The following C9orf43 variants were observed in gnomAD, a reference collection of about 807,000 sequenced individuals.
The protein encoded by C9orf43 is chromosome 9 open reading frame 43, also known as uncharacterized protein C9orf43.
Under a neutral mutation model 59.1 loss-of-function variants are expected in C9orf43, and 45 were observed. That is an observed-to-expected ratio of 0.76 (90% CI 0.60 to 0.98). The LOEUF (loss-of-function observed/expected upper bound fraction) is 0.98. Ranked by LOEUF, C9orf43 falls within the 50% of genes least tolerant of loss-of-function variation. The pLI is 0.00. For missense variants in C9orf43, 533 were observed against 554.9 expected (o/e 0.96, Z 0.40); for synonymous variants, 203 against 196.8 (o/e 1.03, Z -0.26).
At chr9:113,417,903 A>T (rs1828427919) in intron 3 of C9orf43, among the ~76,000 whole-genome samples, 1 of 152,150 alleles carries the variant, frequency 6.6e-6, no homozygotes, top group Non-Finnish European at 1.5e-5. Context: ...TTAGGTCTTT[A>T]TCTTTTTTTT....
intron 1 of C9orf43, among the ~76,000 whole-genome samples, chr9:113,411,703 G>A (rs34142167): frequency 0.04 from 6,075 of 151,486 alleles, 162 homozygotes; most frequent in South Asian, 0.1. Flanking sequence ...TTTCTTGACA[G>A]GGTCTCACTC....
intron 3 of C9orf43, among the ~76,000 whole-genome samples, chr9:113,415,174 T>G (rs1198490896): frequency 6.6e-6 from 1 of 151,652 alleles, no homozygotes; most frequent in Non-Finnish European, 1.5e-5. Flanking sequence ...GATAGGGTCT[T>G]ACTTTGTTGC....
At position 113,423,464 on chromosome 9, in the gene C9orf43, C is replaced by T; in HGVS notation, c.622C>T (p.Gln208Ter). Reference protein sequence around the residue: ...FSSDFLPLWAQSEALPQDLLK... With the variant: ...FSSDFLPLWA ...TTCAGATTTCCTACCTCTCTGGGCT[C>T]AATCCGAAGCGTTACCTCAGGATCT... Residue 208 changes from glutamine to a stop codon, truncating the protein, a stop_gained, in exon 7 of 14, where the codon CAA (glutamine) becomes TAA (stop). Transcript: ENST00000374165. LOFTEE classifies it high-confidence loss of function. 1.9e-6 allele frequency: 3 copies of T among 1,613,968 alleles called. No homozygotes were observed. Among genetic ancestry groups the T allele is most frequent in the Non-Finnish European group, 2.5e-6 (3 of 1,179,898 alleles).
intron 3 of C9orf43, among the ~76,000 whole-genome samples, chr9:113,416,868 C>T (rs1184858228): frequency 6.6e-6 from 1 of 152,194 alleles, no homozygotes; most frequent in Non-Finnish European, 1.5e-5. Context: ...CAGATGTCCC[C>T]TCGGGGCAAA....
At chr9:113,416,096 A>G (rs909332819) in intron 3 of C9orf43, among the ~76,000 whole-genome samples, 3 of 152,206 alleles carry the variant, frequency 2.0e-5, no homozygotes, top group Admixed American at 6.5e-5. Context: ...TTCTTCCTTC[A>G]GTGTGTCTTG....
chr9:113,422,893 A>AC (rs1828638356), intron 6 of C9orf43, among the ~76,000 whole-genome samples: 1 of 152,164 alleles, frequency 6.6e-6, no homozygotes, highest in Admixed American at 6.5e-5. Context: ...ATTTCAATGG[A>AC]CTAGGGGTTA....
chr9:113,427,719 A>G (rs955752446), intron 11 of C9orf43, among the ~76,000 whole-genome samples: 9 of 152,198 alleles, frequency 5.9e-5, no homozygotes, highest in African/African-American at 1.9e-4. Flanking sequence ...AGATTGAGAA[A>G]AGAATGAATG....
intron 8 of C9orf43, among the ~76,000 whole-genome samples, chr9:113,424,653 A>G (rs970519847): frequency 6.6e-6 from 1 of 151,718 alleles, no homozygotes; most frequent in Non-Finnish European, 1.5e-5. Flanking sequence ...CAGCCTCCAG[A>G]GTAGCTGGGA....
At chr9:113,411,717 C>G (rs1432275314) in intron 1 of C9orf43, among the ~76,000 whole-genome samples, 1 of 152,124 alleles carries the variant, frequency 6.6e-6, no homozygotes, top group South Asian at 2.1e-4. Flanking sequence ...CTCACTCCGT[C>G]CCCCAGGCTG....
rs1200308723 is a variant in C9orf43, at chr9:113,410,997, TAATGGTACTA to T, written c.-52_-50+7del. 2.0e-6 allele frequency: 2 copies of T among 986,216 alleles called. No homozygotes were observed. The highest frequency in any genetic ancestry group is 2.4e-6 in the Non-Finnish European group (2 of 830,490). The allele number at this position is 986,216 out of a possible 1,614,324, so 61.1% of individuals were successfully genotyped here. On this transcript the variant is annotated splice_donor_variant and splice_donor_5th_base_variant and 5_prime_UTR_variant and intron_variant, in exon 1 of 14. Coordinates refer to ENST00000374165, the MANE Select transcript of C9orf43 (RefSeq NM_001278629.2). LOFTEE classifies it low-confidence loss of function (5UTR_SPLICE). ...CTTTTCGCCCCTCACGCTTTTGTAATAATGGTACTAAGACTGAGTGTTATTTAGATTTTAT... is the reference window on the plus strand; with the variant it reads ...CTTTTCGCCCCTCACGCTTTTGTAATAGACTGAGTGTTATTTAGATTTTAT...
At chr9:113,429,033 G>C in intron 13 of C9orf43, 70 bp downstream of exon 13, 1 of 1,529,036 alleles carries the variant, frequency 6.5e-7, no homozygotes, top group Non-Finnish European at 9.1e-7. Flanking sequence ...GTGTTGACCA[G>C]GATAGTTTAC....
At chr9:113,415,442 A>G (rs894697718) in intron 3 of C9orf43, among the ~76,000 whole-genome samples, 1 of 152,248 alleles carries the variant, frequency 6.6e-6, no homozygotes, top group African/African-American at 2.4e-5. Flanking sequence ...TATTTACCAC[A>G]GTAAAAAACT....
Position 113,423,351 on chromosome 9 carries a change from C to T in C9orf43, c.509C>T (p.Ser170Phe). ...AVKSKSFLGL[S>F]GNQSAGTRVG... Reference sequence around the variant, plus strand: ...AAAAGCAAGTCATTTCTGGGTCTCTCTGGAAATCAGTCCGCAGGAACACGA... The same window carrying T: ...AAAAGCAAGTCATTTCTGGGTCTCTTTGGAAATCAGTCCGCAGGAACACGA... Residue 170 changes from serine to phenylalanine, a missense_variant, in exon 7 of 14, where the codon TCT (serine) becomes TTT (phenylalanine). Coordinates refer to ENST00000374165, the MANE Select transcript of C9orf43 (RefSeq NM_001278629.2). The T allele has an allele frequency of 6.2e-7, 1 of 1,614,072 alleles. No homozygotes were observed. The highest frequency in any genetic ancestry group is 2.2e-5 in the East Asian group (1 of 44,892).
In C9orf43 at chr9:113,413,602, C is replaced by A; in HGVS notation, c.109C>A (p.Arg37=). The A allele has an allele frequency of 2.5e-6, 4 of 1,614,224 alleles. No homozygotes were observed. Among genetic ancestry groups the A allele is most frequent in the Non-Finnish European group, 3.4e-6 (4 of 1,180,032 alleles). ...TIRRIERGHP[R]ILGSSCKTPL... ...CCGCCGCATTGAGAGGGGCCATCCT[C>A]GAATCCTCGGCTCATCCTGCAAAAC... The change falls in exon 2 of 14, where the codon CGA becomes AGA. Residue 37 remains arginine, a synonymous_variant. Transcript: ENST00000374165.
intron 5 of C9orf43, among the ~76,000 whole-genome samples, chr9:113,422,171 G>A (rs183821088): frequency 6.6e-6 from 1 of 152,332 alleles, no homozygotes; most frequent in African/African-American, 2.4e-5. Flanking sequence ...GAACCAAATA[G>A]ATTTGGTCCC....
chr9:113,429,349 A>T lies in C9orf43; in HGVS notation c.1349A>T (p.Asp450Val), dbSNP rs140407932. The stretch of plus-strand genomic sequence containing the variant: ...CTTAGGATTCTTCAGGACACTGATG[A>T]TGAGGATGAGGAGGACCAGTCCTCT... ...KLLRILQDTD[D>V]EDEEDQSSGA... is the part of the protein sequence containing the mutation. Residue 450 changes from aspartate (D) to valine (V), a missense_variant, in exon 14 of 14, where the codon GAT (aspartate) becomes GTT (valine). Coordinates refer to ENST00000374165, the MANE Select transcript of C9orf43 (RefSeq NM_001278629.2). 480 of 1,614,180 alleles carry T rather than the reference A, an allele frequency of 3.0e-4. 7 individuals carry two copies. The South Asian group carries it at 3.5e-3, about 12-fold the overall frequency.
chr9:113,414,396 T>A (rs980425847), intron 3 of C9orf43, among the ~76,000 whole-genome samples: 1 of 151,736 alleles, frequency 6.6e-6, no homozygotes, highest in African/African-American at 2.4e-5. Context: ...CACCTCAGCC[T>A]CCCAAGTAGC....
intron 6 of C9orf43, among the ~76,000 whole-genome samples, chr9:113,422,879 T>C (rs946440500): frequency 1.3e-5 from 2 of 152,084 alleles, no homozygotes; most frequent in African/African-American, 4.8e-5. Context: ...CGTGATCATA[T>C]AGAATTTCAA....
intron 4 of C9orf43, chr9:113,420,826 C>G (rs1416951785): frequency 1.0e-6 from 1 of 979,856 alleles, no homozygotes; most frequent in Non-Finnish European, 1.2e-6. Context: ...CCAGGGCACC[C>G]TCATATGGGA....
Sources: allele counts gnomAD v4.1 joint callset (sites outside exome capture counted in the v4.1 genomes callset), GRCh38; gene constraint gnomAD v4.1.1; transcripts MANE v1.5; gene names NCBI Gene and HGNC (gene_info 2026-07-23, HGNC 2026-07-21).